ANKLE2: variants seen among roughly 807,000 people sequenced by gnomAD.
ANKLE2 encodes the protein ankyrin repeat and LEM domain containing 2.
Under a neutral mutation model 84.2 loss-of-function variants are expected in ANKLE2, and 55 were observed. The observed-to-expected ratio is 0.65, with a 90% confidence interval of 0.53 to 0.82. ANKLE2 has a LOEUF of 0.82. Among genes scored for constraint, ANKLE2 ranks in the 40% least tolerant of loss-of-function variants. ANKLE2 has a pLI of 0.00. For missense variants in ANKLE2, 1,238 were observed against 1,201.9 expected (o/e 1.03, Z -0.44); for synonymous variants, 551 against 486.1 (o/e 1.13, Z -1.76).
In ANKLE2 at chr12:132,738,460, ACAGT is replaced by A. The variant is rs781033691; in HGVS notation, c.1421-1399_1421-1396del. 2.0e-5 allele frequency: 3 copies of A among 151,962 alleles called. No homozygotes were observed. In the East Asian group the frequency reaches 5.8e-4, roughly 29 times the overall value. The allele number at this position is 151,962 out of a possible 1,614,324, so 9.4% of individuals were successfully genotyped here. On this transcript the variant is annotated intron_variant, in intron 7 of 12. Coordinates refer to ENST00000357997, the MANE Select transcript of ANKLE2 (RefSeq NM_015114.3). ...GACCCAGAGTCAAGAGGCTTCCTTT[ACAGT>A]CAATCATGCTACTCTGGAATGCCTG...
intron 5 of ANKLE2, among the ~76,000 whole-genome samples, chr12:132,744,213 C>G (rs1449751434): frequency 6.6e-6 from 1 of 152,200 alleles, no homozygotes; most frequent in Non-Finnish European, 1.5e-5. Context: ...AACAGTGCCC[C>G]TGAGCCCAAG....
At chr12:132,756,931 A>G (rs2044499096) in intron 1 of ANKLE2, 1 of 152,096 alleles carries the variant, frequency 6.6e-6, no homozygotes, top group Non-Finnish European at 1.5e-5. Context: ...ACTCCACCTC[A>G]ATAAAACAAC....
Position 132,726,936 on chromosome 12 carries a change from G to A in ANKLE2, c.*306C>T. On this transcript the variant is annotated 3_prime_UTR_variant, in exon 13 of 13. Transcript: ENST00000357997. ...AGTACAGGGCTGCCTGCCTGCAACT[G>A]CCTCAGCGCCCTTTCCTCTGCTATA... 5.4e-6 allele frequency: 2 copies of A among 372,890 alleles called. No individual in the cohort carries two copies. Among genetic ancestry groups the A allele is most frequent in the Non-Finnish European group, 9.7e-6 (2 of 205,726 alleles). 23.1% of individuals were successfully genotyped at this position (372,890 alleles called of 1,614,324 possible).
intron 2 of ANKLE2, among the ~76,000 whole-genome samples, chr12:132,753,758 C>T (rs1384837726): frequency 6.6e-6 from 1 of 151,106 alleles, no homozygotes; most frequent in Admixed American, 6.6e-5. Flanking sequence ...CAAAACAAAA[C>T]AAAACAAAAA....
chr12:132,735,379 C>T (rs759461404), intron 9 of ANKLE2, 27 bp downstream of exon 9: 12 of 1,595,590 alleles, frequency 7.5e-6, no homozygotes, highest in East Asian at 2.2e-5. Flanking sequence ...GTGTGCCCCA[C>T]GCTGCTGCGG....
chr12:132,735,387 C>A lies in ANKLE2; in HGVS notation c.1700+19G>T. ...ACCAACTGTGTGCCCCACGCTGCTG[C>A]GGCTCAGCCTTTCAGTACCTTCCCA... On this transcript the variant is annotated intron_variant, in intron 9 of 12. Transcript: ENST00000357997. The A allele has an allele frequency of 6.2e-7, 1 of 1,605,682 alleles. No individual in the cohort carries two copies. Among genetic ancestry groups the A allele is most frequent in the Non-Finnish European group, 8.5e-7 (1 of 1,172,352 alleles).
intron 1 of ANKLE2, chr12:132,755,593 C>T (rs1296846028): frequency 6.5e-6 from 1 of 153,352 alleles, no homozygotes; most frequent in Admixed American, 6.5e-5. Flanking sequence ...TGGTGTCTCC[C>T]TCTGTCGCAC....
intron 8 of ANKLE2, 51 bp downstream of exon 8, chr12:132,736,842 C>T: frequency 1.3e-6 from 2 of 1,534,888 alleles, no homozygotes; most frequent in South Asian, 2.5e-5. Flanking sequence ...CCCAGCAGCA[C>T]AGTATAGGGA....
At chr12:132,739,929 C>G (rs11147037) in intron 7 of ANKLE2, among the ~76,000 whole-genome samples, 47,241 of 152,164 alleles carry the variant, frequency 0.31, 8,721 homozygotes, top group Non-Finnish European at 0.42. Flanking sequence ...CACAGAGCTG[C>G]CTTCTCCTCA....
intron 2 of ANKLE2, among the ~76,000 whole-genome samples, chr12:132,753,347 CA>C (rs1197417608): frequency 6.6e-6 from 1 of 151,814 alleles, no homozygotes; most frequent in African/African-American, 2.4e-5. Flanking sequence ...CAAAAACAAC[CA>C]ATTAGCTAGG....
chr12:132,750,149 G>A (rs1370901032), intron 3 of ANKLE2, among the ~76,000 whole-genome samples: 3 of 143,910 alleles, frequency 2.1e-5, no homozygotes, highest in African/African-American at 7.7e-5. Context: ...AGCTTGCAGT[G>A]AGCCAAGATC....
At chr12:132,736,179 T>A (rs529290622) in intron 8 of ANKLE2, among the ~76,000 whole-genome samples, 1 of 152,326 alleles carries the variant, frequency 6.6e-6, no homozygotes, top group South Asian at 2.1e-4. Context: ...CTCGATCTCC[T>A]GACCTCGTGA....
intron 10 of ANKLE2, chr12:132,730,750 G>A (rs1299074522): frequency 6.3e-6 from 1 of 158,534 alleles, no homozygotes; most frequent in Non-Finnish European, 1.4e-5. Context: ...AGGAGGGGGA[G>A]GCTGCAGTGG....
rs1036962516 is a variant in ANKLE2 at position 132,734,550 on chromosome 12, G to A, written c.1726C>T (p.Pro576Ser). 1.2e-6 allele frequency: 2 copies of A among 1,613,036 alleles called. No individual in the cohort carries two copies. Among genetic ancestry groups the A allele is most frequent in the Non-Finnish European group, 1.7e-6 (2 of 1,179,604 alleles). ...AGAAATTCCCAGTATTCAACCCAGG[G>A]ATACCCCAGCTCATGAGCTAGCTCC... ...GRELAHELGY[P>S]WVEYWEFLGC... Residue 576 changes from proline (P) to serine (S), a missense_variant, in exon 10 of 13, where the codon CCC becomes TCC. Coordinates refer to ENST00000357997, the MANE Select transcript of ANKLE2 (RefSeq NM_015114.3).
rs2044150152 is a variant in ANKLE2 at position 132,742,709 on chromosome 12, C to T, written c.1353+445G>A. ...GCATCATCATCCTTACCACCATCGT[C>T]ACCATCATCACCACCACTGCCAACA... On this transcript the variant is annotated intron_variant, in intron 6 of 12. Transcript: ENST00000357997. Among the ~76,000 whole-genome samples the T allele has an allele frequency of 2.6e-5, 3 of 114,986 alleles. No homozygotes were observed. In the South Asian group the frequency reaches 1.0e-3, roughly 38 times the overall value. The allele number at this position is 114,986 out of a possible 152,430, so 75.4% of individuals were successfully genotyped here. A position where few individuals can be genotyped will look rare whatever the true frequency, so the allele number is the denominator to read the frequency against.
intron 2 of ANKLE2, chr12:132,751,159 T>TAAA (rs141498622): frequency 1.3e-4 from 24 of 186,598 alleles, no homozygotes; most frequent in East Asian, 2.4e-4. Context: ...AAAGGCAAAT[T>TAAA]AAAAAAAAAA....
At chr12:132,727,551 G>T in intron 12 of ANKLE2, 108 bp from the exon 13 acceptor site, 1 of 1,257,892 alleles carries the variant, frequency 7.9e-7, no homozygotes, top group Non-Finnish European at 1.1e-6. Context: ...CCCGGGCGGA[G>T]GAGAGGCACT....
intron 7 of ANKLE2, 37 bp from the exon 8 acceptor site, chr12:132,737,102 C>T: frequency 6.4e-7 from 1 of 1,553,946 alleles, no homozygotes; most frequent in South Asian, 1.2e-5. Flanking sequence ...CAGGCTTCCG[C>T]CCCCTCCGCA....
At chr12:132,747,211 C>CCT (rs1176540527) in intron 5 of ANKLE2, among the ~76,000 whole-genome samples, 2 of 151,660 alleles carry the variant, frequency 1.3e-5, no homozygotes, top group Non-Finnish European at 2.9e-5. Flanking sequence ...ACCCCAGCAG[C>CCT]CTCTCTCTCT....
Sources: allele counts gnomAD v4.1 joint callset (sites outside exome capture counted in the v4.1 genomes callset), GRCh38; gene constraint gnomAD v4.1.1; transcripts MANE v1.5; gene names NCBI Gene and HGNC (gene_info 2026-07-23, HGNC 2026-07-21).